MAML3: variants seen among roughly 807,000 people sequenced by gnomAD.
MAML3 encodes mastermind-like protein 3.
Under a neutral mutation model 101.9 loss-of-function variants are expected in MAML3, and 27 were observed. The observed-to-expected ratio is 0.27, with a 90% CI of 0.20 to 0.37. The LOEUF is 0.37. Among genes scored for constraint, MAML3 ranks in the 10% least tolerant of loss-of-function variants. The pLI, the probability that MAML3 is intolerant of heterozygous loss-of-function variation, is 1.00. For missense variants in MAML3, 1,316 were observed against 1,444.9 expected, an observed-to-expected ratio of 0.91 and a Z score of 1.45; for synonymous variants, 501 against 555.9, an observed-to-expected ratio of 0.90 and a Z score of 1.39.
At position 140,153,412 on chromosome 4, in the gene MAML3, A is replaced by G; in HGVS notation, c.-85T>C. The stretch of plus-strand genomic sequence containing the variant: ...CCTCCTTGGGTCCAAGGATTAAAAT[A>G]GTTTAAGTGGAACGCGGGGGAGACG... On this transcript the variant is annotated 5_prime_UTR_variant, in exon 1 of 5. Coordinates refer to ENST00000509479, the MANE Select transcript of MAML3 (RefSeq NM_018717.5). 1 of 1,316,006 alleles carries G rather than the reference A, an allele frequency of 7.6e-7. No homozygotes were observed. Among genetic ancestry groups the G allele is most frequent in the South Asian group, 1.6e-5 (1 of 61,750 alleles). The allele number at this position is 1,316,006 out of a possible 1,614,324, so 81.5% of individuals were successfully genotyped here. A position where few individuals can be genotyped will look rare whatever the true frequency, so the allele number is the denominator to read the frequency against.
intron 2 of MAML3, among the ~76,000 whole-genome samples, chr4:139,745,708 C>T (rs1729297712): frequency 6.6e-6 from 1 of 152,170 alleles, no homozygotes. Context: ...AAAAATAATG[C>T]TAGTTTTTCT....
chr4:139,776,626 C>T (rs978344659), intron 2 of MAML3, among the ~76,000 whole-genome samples: 1 of 152,182 alleles, frequency 6.6e-6, no homozygotes, highest in Admixed American at 6.5e-5. Context: ...GATGGAAACA[C>T]ACTCAAAGCA....
intron 1 of MAML3, among the ~76,000 whole-genome samples, chr4:139,968,077 G>A (rs1327218636): frequency 5.9e-5 from 9 of 151,778 alleles, no homozygotes; most frequent in South Asian, 4.2e-4. Flanking sequence ...TCAGGAGTTC[G>A]AGACCAGCCT....
chr4:139,816,088 G>T lies in MAML3; in HGVS notation c.2079+73269C>A, dbSNP rs1730888239. Among the ~76,000 whole-genome samples, 7 of 152,282 alleles carry T rather than the reference G, an allele frequency of 4.6e-5. No individual in the cohort carries two copies. The South Asian group carries it at 1.5e-3, about 32-fold the overall frequency. ...CAGTCAGGAGGGGAGGAAGAGAGGG[G>T]AGTGCGAAGATAAAAATAGAGATGT... is the stretch of plus-strand genomic sequence containing the variant. On this transcript the variant is annotated intron_variant, in intron 2 of 4. Transcript: ENST00000509479.
intron 2 of MAML3, among the ~76,000 whole-genome samples, chr4:139,825,779 A>C (rs78762520): frequency 2.3e-5 from 3 of 130,558 alleles, no homozygotes; most frequent in South Asian, 2.4e-4. Context: ...AAAAAAAAAA[A>C]GTTGCACGTT....
intron 1 of MAML3, among the ~76,000 whole-genome samples, chr4:140,073,263 A>G (rs1167160419): frequency 6.6e-6 from 1 of 151,558 alleles, no homozygotes; most frequent in Non-Finnish European, 1.5e-5. Context: ...TCAACCTCCC[A>G]AGTAGCTGGG....
At chr4:139,997,522 A>C (rs551190995) in intron 1 of MAML3, among the ~76,000 whole-genome samples, 1 of 152,210 alleles carries the variant, frequency 6.6e-6, no homozygotes, top group South Asian at 2.1e-4. Flanking sequence ...CTATAGACTT[A>C]ATAGTAGAGT....
intron 2 of MAML3, among the ~76,000 whole-genome samples, chr4:139,757,040 T>C (rs565185727): frequency 6.6e-6 from 1 of 152,292 alleles, no homozygotes; most frequent in South Asian, 2.1e-4. Context: ...CATGCCTCTG[T>C]GTTCCTGGCC....
At chr4:140,114,583 T>C (rs1168265034) in intron 1 of MAML3, among the ~76,000 whole-genome samples, 1 of 152,250 alleles carries the variant, frequency 6.6e-6, no homozygotes, top group East Asian at 1.9e-4. Context: ...TAAGTATCAA[T>C]GTATTTCTCC....
intron 1 of MAML3, among the ~76,000 whole-genome samples, chr4:140,035,021 G>A (rs1227069940): frequency 6.6e-6 from 1 of 152,214 alleles, no homozygotes; most frequent in African/African-American, 2.4e-5. Context: ...CCAGGCTGGA[G>A]TGCAGTAGCA....
chr4:140,086,209 C>G (rs1578677590), intron 1 of MAML3, among the ~76,000 whole-genome samples: 2 of 152,204 alleles, frequency 1.3e-5, no homozygotes, highest in African/African-American at 4.8e-5. Flanking sequence ...GCGGGAATAG[C>G]TGATCTGACC....
At chr4:139,840,515 G>A (rs1190936374) in intron 2 of MAML3, among the ~76,000 whole-genome samples, 1 of 152,178 alleles carries the variant, frequency 6.6e-6, no homozygotes, top group Non-Finnish European at 1.5e-5. Flanking sequence ...TGTGAGCAGC[G>A]GCTAGATGAA....
intron 1 of MAML3, among the ~76,000 whole-genome samples, chr4:139,997,072 A>G (rs1368463629): frequency 1.4e-5 from 2 of 147,674 alleles, no homozygotes; most frequent in East Asian, 3.9e-4. Context: ...TAATAATAAT[A>G]ATAAATAAAA....
At chr4:139,911,227 T>C (rs1253072198) in intron 1 of MAML3, among the ~76,000 whole-genome samples, 1 of 152,082 alleles carries the variant, frequency 6.6e-6, no homozygotes, top group Non-Finnish European at 1.5e-5. Flanking sequence ...AATTTCCTTT[T>C]TTTTTTTTGC....
intron 1 of MAML3, among the ~76,000 whole-genome samples, chr4:140,108,964 A>G (rs1442688283): frequency 6.6e-6 from 1 of 152,120 alleles, no homozygotes; most frequent in Non-Finnish European, 1.5e-5. Flanking sequence ...TTTCTCAAGT[A>G]TAGCATAGAT....
chr4:140,071,148 A>C (rs964136749), intron 1 of MAML3, among the ~76,000 whole-genome samples: 1 of 152,206 alleles, frequency 6.6e-6, no homozygotes, highest in African/African-American at 2.4e-5. Flanking sequence ...GGAGGACAAA[A>C]ACAACTGGCG....
chr4:139,897,389 G>T (rs1732635344), intron 1 of MAML3, among the ~76,000 whole-genome samples: 1 of 152,138 alleles, frequency 6.6e-6, no homozygotes, highest in Admixed American at 6.6e-5. Flanking sequence ...AAGCCACACT[G>T]CACCCTCATC....
intron 2 of MAML3, among the ~76,000 whole-genome samples, chr4:139,745,315 A>T (rs1014084483): frequency 1.3e-5 from 2 of 152,016 alleles, no homozygotes; most frequent in African/African-American, 4.8e-5. Context: ...AGGTTCTTAA[A>T]GGGAATAAAC....
In MAML3 at chr4:139,735,476, G is replaced by T. The variant is rs187107499; in HGVS notation, c.2080-4809C>A. Among the ~76,000 whole-genome samples the T allele has an allele frequency of 1.2e-3, 178 of 151,890 alleles. No individual in the cohort carries two copies. Among genetic ancestry groups the T allele is most frequent in the African/African-American group, 3.9e-3 (162 of 41,456 alleles). On this transcript the variant is annotated intron_variant, in intron 2 of 4. Coordinates refer to ENST00000509479, the MANE Select transcript of MAML3 (RefSeq NM_018717.5). The surrounding 1 kb of genome is among the most constrained non-coding windows in gnomAD (Gnocchi z 5.8). The stretch of plus-strand genomic sequence containing the variant: ...GGGGGCAGTGGCGACCTCCGGGGGG[G>T]GAGGGTGGCGGACACCAGACCCCAG...
Sources: allele counts gnomAD v4.1 joint callset (sites outside exome capture counted in the v4.1 genomes callset), GRCh38; gene constraint gnomAD v4.1.1; non-coding constraint Gnocchi (gnomAD v3.1); transcripts MANE v1.5; gene names NCBI Gene and HGNC (gene_info 2026-07-23, HGNC 2026-07-21).